PHF20: variants seen among roughly 807,000 people sequenced by gnomAD.
PHF20 encodes the protein PHD finger protein 20.
Under a neutral mutation model 113.5 loss-of-function variants are expected in PHF20, and 23 were observed. That is an observed-to-expected ratio of 0.20 (90% CI 0.15 to 0.29). PHF20 has a LOEUF of 0.29. Ranked by LOEUF, PHF20 falls within the 10% of genes least tolerant of loss-of-function variation. The pLI is 1.00. For missense variants in PHF20, 943 were observed against 1,219.6 expected, an observed-to-expected ratio of 0.77 and a Z score of 3.38; for synonymous variants, 434 against 457.3, an observed-to-expected ratio of 0.95 and a Z score of 0.65.
chr20:35,898,242 C>T (rs1297841134), intron 9 of PHF20, among the ~76,000 whole-genome samples: 1 of 152,126 alleles, frequency 6.6e-6, no homozygotes, highest in Non-Finnish European at 1.5e-5. Context: ...CTCAAAGACT[C>T]AATACTAAAA....
chr20:35,910,534 TC>T (rs2055279493), intron 10 of PHF20, among the ~76,000 whole-genome samples: 2 of 152,024 alleles, frequency 1.3e-5, no homozygotes, highest in South Asian at 4.2e-4. Context: ...CAAACTTTCC[TC>T]ATGCCCCTTT....
intron 10 of PHF20, among the ~76,000 whole-genome samples, chr20:35,905,180 C>T (rs1012901595): frequency 1.8e-4 from 28 of 152,088 alleles, no homozygotes; most frequent in Non-Finnish European, 3.8e-4. Flanking sequence ...AGACCAGGCC[C>T]TTTCATGTGG....
chr20:35,858,455 A>G (rs1171363825), intron 5 of PHF20, 74 bp downstream of exon 5: 3 of 784,744 alleles, frequency 3.8e-6, no homozygotes, highest in East Asian at 5.3e-5. Flanking sequence ...AAATAAAGAC[A>G]TTACATTTGT....
chr20:35,904,889 G>C (rs1484412934), intron 10 of PHF20, among the ~76,000 whole-genome samples: 1 of 151,140 alleles, frequency 6.6e-6, no homozygotes, highest in East Asian at 2.0e-4. Context: ...GCAATAGTGC[G>C]ATCTTGGCTC....
chr20:35,905,280 G>A (rs780730545), intron 10 of PHF20, among the ~76,000 whole-genome samples: 3 of 152,222 alleles, frequency 2.0e-5, no homozygotes, highest in Admixed American at 6.5e-5. Flanking sequence ...GATTTTGCCT[G>A]TAGGGTAGGA....
At chr20:35,781,598 A>G (rs1199004393) in intron 1 of PHF20, among the ~76,000 whole-genome samples, 2 of 152,222 alleles carry the variant, frequency 1.3e-5, no homozygotes, top group East Asian at 1.9e-4. Flanking sequence ...GCTTACTGGT[A>G]TTAAATAATG....
intron 16 of PHF20, among the ~76,000 whole-genome samples, chr20:35,940,566 A>G (rs1373741184): frequency 6.6e-6 from 1 of 152,142 alleles, no homozygotes; most frequent in African/African-American, 2.4e-5. Flanking sequence ...GCCCTGCTCT[A>G]ATCACCTCTC....
intron 13 of PHF20, among the ~76,000 whole-genome samples, chr20:35,924,158 A>G (rs2055573448): frequency 6.8e-6 from 1 of 148,082 alleles, no homozygotes; most frequent in Non-Finnish European, 1.5e-5. Flanking sequence ...AAATGTTTGC[A>G]TTTTATGTAT....
rs773232325 is a variant in PHF20 at position 35,914,167 on chromosome 20, G to A, written c.1795G>A (p.Gly599Arg). ...CCCGCAGCTTCATGGCCCAGAATCT[G>A]GACACCACAAAGGGAAAGTGAAAGC... is the stretch of plus-strand genomic sequence containing the variant. ...MSPQLHGPES[G>R]HHKGKVKALE... Residue 599 changes from glycine (G) to arginine (R), a missense_variant, in exon 12 of 18, where the codon GGA becomes AGA. Physicochemically the swap from Gly to Arg is moderately radical, Grantham distance 125. This residue lies in a region of PHF20 where 592 missense variants were observed against 787.2 expected (regional missense o/e 0.75). Coordinates refer to ENST00000374012, the MANE Select transcript of PHF20 (RefSeq NM_016436.5). 27 of 1,613,952 alleles carry A rather than the reference G, an allele frequency of 1.7e-5. No homozygotes were observed. In the Admixed American group the frequency reaches 4.5e-4, roughly 27 times the overall value.
chr20:35,815,716 C>T (rs1465190527), intron 2 of PHF20, among the ~76,000 whole-genome samples: 1 of 151,996 alleles, frequency 6.6e-6, no homozygotes, highest in Non-Finnish European at 1.5e-5. Flanking sequence ...CCACCCGCCT[C>T]AGCCTCCCAA....
At chr20:35,883,159 G>C (rs930964682) in intron 9 of PHF20, among the ~76,000 whole-genome samples, 2 of 152,086 alleles carry the variant, frequency 1.3e-5, no homozygotes, top group African/African-American at 4.8e-5. Context: ...GTGTTGCAGT[G>C]AGCTATGATC....
At chr20:35,874,620 A>G (rs2054484624) in intron 9 of PHF20, among the ~76,000 whole-genome samples, 1 of 152,138 alleles carries the variant, frequency 6.6e-6, no homozygotes, top group Non-Finnish European at 1.5e-5. Flanking sequence ...AGTAGCTGGG[A>G]CTACAGGCGT....
intron 4 of PHF20, among the ~76,000 whole-genome samples, chr20:35,847,988 C>A (rs2042653159): frequency 6.6e-6 from 1 of 152,076 alleles, no homozygotes; most frequent in South Asian, 2.1e-4. Flanking sequence ...AAAGGGCAGA[C>A]AAAGAGTTAT....
chr20:35,896,113 G>GTGTA (rs1491533017), intron 9 of PHF20, among the ~76,000 whole-genome samples: 1 of 150,454 alleles, frequency 6.6e-6, no homozygotes, highest in Admixed American at 6.7e-5. Context: ...GTGTGTGTGT[G>GTGTA]TATAGGTTTT....
At chr20:35,822,846 T>TAAA (rs780275666) in intron 2 of PHF20, among the ~76,000 whole-genome samples, 75 of 55,562 alleles carry the variant, frequency 1.3e-3, no homozygotes, top group East Asian at 7.9e-3. Context: ...ACCCTGCTTC[T>TAAA]AAAAAAAAAA....
intron 1 of PHF20, among the ~76,000 whole-genome samples, chr20:35,779,881 G>A (rs2041251724): frequency 6.6e-6 from 1 of 152,182 alleles, no homozygotes; most frequent in Non-Finnish European, 1.5e-5. Flanking sequence ...TGGAAACTTG[G>A]TCTGGAAATG....
rs6579266 is a variant in PHF20 at position 35,949,965 on chromosome 20, G to A, written c.*2338G>A. ...CTACTTGGGAGGCTGAAGCAGGAGA[G>A]GTGCTGGAACCTGGGAGGCGGAGGT... On this transcript the variant is annotated 3_prime_UTR_variant, in exon 18 of 18. Transcript: ENST00000374012. 0.31 allele frequency: 47,609 copies of A among 152,180 alleles called. 9,143 individuals are homozygous for A. Among genetic ancestry groups the A allele is most frequent in the African/African-American group, 0.54 (22,552 of 41,436 alleles). 9.4% of individuals were successfully genotyped at this position (152,180 alleles called of 1,614,324 possible). A position where few individuals can be genotyped will look rare whatever the true frequency, so the allele number is the denominator to read the frequency against.
intron 1 of PHF20, among the ~76,000 whole-genome samples, chr20:35,800,712 G>A (rs145773976): frequency 6.6e-6 from 1 of 152,162 alleles, no homozygotes; most frequent in Non-Finnish European, 1.5e-5. Flanking sequence ...TGGAGGATAC[G>A]GTGAGCTGAG....
Position 35,899,763 on chromosome 20 carries a change from C to T in PHF20, c.1561+115C>T, listed in dbSNP as rs1391673329. The T allele has an allele frequency of 3.1e-5, 33 of 1,059,664 alleles. No homozygotes were observed. In the Admixed American group the frequency reaches 7.4e-4, roughly 24 times the overall value. The allele number at this position is 1,059,664 out of a possible 1,614,324, so 65.6% of individuals were successfully genotyped here. On this transcript the variant is annotated intron_variant, in intron 10 of 17. Coordinates refer to ENST00000374012, the MANE Select transcript of PHF20 (RefSeq NM_016436.5). The stretch of plus-strand genomic sequence containing the variant: ...GTTTGTCTGTTCCAGTTGAATCCCA[C>T]AGGACTGAACATATTAAGTGATCCT...
Sources: gnomAD v4.1 joint callset for allele counts (sites outside exome capture counted in the v4.1 genomes callset) on GRCh38, gnomAD v4.1.1 for gene constraint, gnomAD v4.1.1 regional missense constraint, MANE v1.5 for transcripts, NCBI Gene and HGNC (gene_info 2026-07-23, HGNC 2026-07-21) for gene names.